The following TOGARAM1 variants were observed in gnomAD, a reference collection of about 807,000 sequenced individuals.
TOGARAM1 encodes the protein TOG array regulator of axonemal microtubules 1.
Under a neutral mutation model 166.6 loss-of-function variants are expected in TOGARAM1, and 100 were observed. The observed-to-expected ratio is 0.60, with a 90% confidence interval of 0.51 to 0.71. The LOEUF is 0.71. Ranked by LOEUF, TOGARAM1 falls within the 30% of genes least tolerant of loss-of-function variation. TOGARAM1 has a pLI of 0.00. For missense variants in TOGARAM1, 2,029 were observed against 2,102.7 expected, an observed-to-expected ratio of 0.96 and a Z score of 0.69; for synonymous variants, 758 against 763.8, an observed-to-expected ratio of 0.99 and a Z score of 0.13.
chr14:45,026,718 G>T (rs916914081), intron 8 of TOGARAM1, among the ~76,000 whole-genome samples: 4 of 151,874 alleles, frequency 2.6e-5, no homozygotes, highest in African/African-American at 7.3e-5. Context: ...ACCCAGCTCT[G>T]CCAGGTGCAG....
intron 1 of TOGARAM1, among the ~76,000 whole-genome samples, chr14:44,975,160 A>G (rs779955721): frequency 6.6e-6 from 1 of 152,158 alleles, no homozygotes; most frequent in Non-Finnish European, 1.5e-5. Flanking sequence ...CTTTCTGTGT[A>G]TGTTTTCATT....
At chr14:45,054,627 A>G (rs540227485) in intron 16 of TOGARAM1, 78 bp downstream of exon 16, 6 of 1,060,080 alleles carry the variant, frequency 5.7e-6, no homozygotes, top group Non-Finnish European at 8.2e-6. Flanking sequence ...TTCATAAACT[A>G]CCCCAGGGGT....
intron 11 of TOGARAM1, among the ~76,000 whole-genome samples, chr14:45,040,270 A>G (rs1881660929): frequency 6.6e-6 from 1 of 152,246 alleles, no homozygotes; most frequent in Non-Finnish European, 1.5e-5. Context: ...TTGATGAAAT[A>G]AAGAATGAAA....
intron 11 of TOGARAM1, among the ~76,000 whole-genome samples, chr14:45,040,587 G>A (rs1881676355): frequency 2.0e-5 from 3 of 152,116 alleles, no homozygotes; most frequent in Non-Finnish European, 2.9e-5. Flanking sequence ...TTACAAACAT[G>A]AAGAATGAGA....
intron 11 of TOGARAM1, among the ~76,000 whole-genome samples, chr14:45,035,405 G>GA (rs1881375192): frequency 6.6e-6 from 1 of 151,176 alleles, no homozygotes; most frequent in South Asian, 2.1e-4. Context: ...AAACAAGACT[G>GA]AAAAAAAAGT....
intron 11 of TOGARAM1, among the ~76,000 whole-genome samples, chr14:45,033,138 A>G (rs1001951699): frequency 3.3e-5 from 5 of 151,952 alleles, no homozygotes; most frequent in African/African-American, 1.2e-4. Context: ...CTGCAGTCCC[A>G]GCTACTTGGG....
At chr14:45,061,799 C>T (rs1882913595) in intron 16 of TOGARAM1, among the ~76,000 whole-genome samples, 1 of 151,490 alleles carries the variant, frequency 6.6e-6, no homozygotes, top group Non-Finnish European at 1.5e-5. Context: ...TATCTATAAT[C>T]ATGAGGTCTT....
rs781706002 is a variant in TOGARAM1, at chr14:45,043,683, T to A, written c.3813-3T>A. Reference sequence around the variant, plus strand: ...ATGATCTTGTCATTTCTTTTTCTCATAGGGAGAAGAAAATTGAGGGACTGA... The same window carrying A: ...ATGATCTTGTCATTTCTTTTTCTCAAAGGGAGAAGAAAATTGAGGGACTGA... On this transcript the variant is annotated splice_region_variant and splice_polypyrimidine_tract_variant and intron_variant, in intron 11 of 19. Coordinates refer to ENST00000361462, the MANE Select transcript of TOGARAM1 (RefSeq NM_001308120.2). 2.6e-6 allele frequency: 4 copies of A among 1,526,236 alleles called. No individual in the cohort carries two copies. The highest frequency in any genetic ancestry group is 3.6e-6 in the Non-Finnish European group (4 of 1,100,010). The allele number at this position is 1,526,236 out of a possible 1,614,324, so 94.5% of individuals were successfully genotyped here.
At chr14:45,054,951 A>G (rs1665386466) in intron 16 of TOGARAM1, among the ~76,000 whole-genome samples, 1 of 152,200 alleles carries the variant, frequency 6.6e-6, no homozygotes, top group South Asian at 2.1e-4. Context: ...GTGGTGGCTT[A>G]CACCTGTAAT....
At chr14:45,043,967 G>A (rs1417867803) in intron 12 of TOGARAM1, among the ~76,000 whole-genome samples, 176 bp downstream of exon 12, 2 of 152,144 alleles carry the variant, frequency 1.3e-5, no homozygotes, top group African/African-American at 4.8e-5. Context: ...CTTAATAGAT[G>A]TTGATTCTTA....
At chr14:45,027,962 G>A (rs1029770467) in intron 9 of TOGARAM1, among the ~76,000 whole-genome samples, 2 of 151,742 alleles carry the variant, frequency 1.3e-5, no homozygotes, top group South Asian at 4.2e-4. Flanking sequence ...CTTATCCTGG[G>A]GATAAAGTAT....
intron 8 of TOGARAM1, among the ~76,000 whole-genome samples, chr14:45,026,123 G>A (rs1327745162): frequency 1.3e-5 from 2 of 152,020 alleles, no homozygotes; most frequent in South Asian, 2.1e-4. Context: ...TGCAGTTTAG[G>A]TACTTCTAAG....
At chr14:45,044,274 T>C (rs1881869725) in intron 12 of TOGARAM1, among the ~76,000 whole-genome samples, 1 of 152,156 alleles carries the variant, frequency 6.6e-6, no homozygotes, top group South Asian at 2.1e-4. Context: ...CCTCCCAAAG[T>C]GCTGGGATTA....
At chr14:45,000,103 A>G (rs1887626804) in intron 3 of TOGARAM1, among the ~76,000 whole-genome samples, 1 of 151,926 alleles carries the variant, frequency 6.6e-6, no homozygotes, top group African/African-American at 2.4e-5. Flanking sequence ...GTTTTGAGCA[A>G]TTCTCCTGTC....
intron 14 of TOGARAM1, 92 bp downstream of exon 14, chr14:45,046,795 T>G: frequency 9.1e-7 from 1 of 1,103,532 alleles, no homozygotes; most frequent in Non-Finnish European, 1.2e-6. Context: ...GAACATTTTC[T>G]AAATGGAGAA....
At chr14:45,013,800 T>C (rs1566633888) in intron 7 of TOGARAM1, among the ~76,000 whole-genome samples, 1 of 152,186 alleles carries the variant, frequency 6.6e-6, no homozygotes, top group East Asian at 1.9e-4. Flanking sequence ...TTTTCAAGTA[T>C]TTCTGTAAAA....
chr14:45,073,232 AT>A, intron 19 of TOGARAM1, 63 bp from the exon 20 acceptor site: 1 of 1,464,096 alleles, frequency 6.8e-7, no homozygotes, highest in Non-Finnish European at 9.1e-7. Flanking sequence ...GTTGCTTTTT[AT>A]TTAGCAGAGC....
Position 44,963,599 on chromosome 14 carries a change from T to G in TOGARAM1, c.1178T>G (p.Val393Gly), listed in dbSNP as rs767290666. The part of the protein sequence containing the change: ...NPSSTPHSSL[V>G]GFISLLYNLL... ...AGTTCTACTCCTCATTCTAGTCTTG[T>G]TGGCTTCATTAGTTTGCTATATAAT... The change falls in exon 1 of 20, where the codon GTT becomes GGT. Residue 393 changes from valine to glycine, a missense_variant. Coordinates refer to ENST00000361462, the MANE Select transcript of TOGARAM1 (RefSeq NM_001308120.2). The G allele has an allele frequency of 6.2e-7, 1 of 1,613,680 alleles. No individual in the cohort carries two copies. The highest frequency in any genetic ancestry group is 8.5e-7 in the Non-Finnish European group (1 of 1,179,858).
intron 1 of TOGARAM1, among the ~76,000 whole-genome samples, chr14:44,973,608 A>AG (rs1442335850): frequency 6.6e-6 from 1 of 151,254 alleles, no homozygotes; most frequent in Non-Finnish European, 1.5e-5. Context: ...ATATATACAT[A>AG]TATATATATC....
Sources: allele counts gnomAD v4.1 joint callset (sites outside exome capture counted in the v4.1 genomes callset), GRCh38; gene constraint gnomAD v4.1.1; transcripts MANE v1.5; gene names NCBI Gene and HGNC (gene_info 2026-07-23, HGNC 2026-07-21).